Variants in TCF7L1 observed in about 807,000 individuals in gnomAD.
TCF7L1 encodes the protein transcription factor 7-like 1.
In TCF7L1, 18 loss-of-function variants were observed where a neutral mutation model predicts 63.7. That is an observed-to-expected ratio of 0.28 (90% CI 0.20 to 0.42). The LOEUF is 0.42. Ranked by LOEUF, TCF7L1 falls within the 10% of genes least tolerant of loss-of-function variation. The probability of loss-of-function intolerance (pLI) is 1.00; values close to 1 mark genes in which losing one functional copy is unlikely to be tolerated. For synonymous variants in TCF7L1, 355 were observed against 340.9 expected, an observed-to-expected ratio of 1.04 and a Z score of -0.46; for missense variants, 654 against 779.3, an observed-to-expected ratio of 0.84 and a Z score of 1.91.
chr2:85,155,607 A>T (rs2568226), intron 3 of TCF7L1, among the ~76,000 whole-genome samples: 71,653 of 152,096 alleles, frequency 0.47, 17,435 homozygotes, highest in East Asian at 0.84. Context: ...TTTCAAGTAC[A>T]AATCACTAGA....
intron 3 of TCF7L1, among the ~76,000 whole-genome samples, chr2:85,152,233 T>C (rs1678033330): frequency 6.6e-6 from 1 of 152,178 alleles, no homozygotes; most frequent in Non-Finnish European, 1.5e-5. Flanking sequence ...AGAAGCTCTG[T>C]CTTCTTTTAG....
chr2:85,180,877 G>A (rs1442066951), intron 3 of TCF7L1, among the ~76,000 whole-genome samples: 1 of 152,242 alleles, frequency 6.6e-6, no homozygotes, highest in East Asian at 1.9e-4. Context: ...CCAGCAAATA[G>A]CAAGTAGCTA....
At position 85,264,769 on chromosome 2, in the gene TCF7L1, T is replaced by C. The variant is rs546113655; in HGVS notation, c.442-18726T>C. Among the ~76,000 whole-genome samples, 218 of 152,306 alleles carry C rather than the reference T, an allele frequency of 1.4e-3. 1 individual carries two copies. Among genetic ancestry groups the C allele is most frequent in the South Asian group, 2.9e-3 (14 of 4,824 alleles). ...ATAAAGACCAAGCCCTGGATTTGAT[T>C]GGAGAGTTGGGGGAATGTGTTGCAG... On this transcript the variant is annotated intron_variant, in intron 3 of 11. Coordinates refer to ENST00000282111, the MANE Select transcript of TCF7L1 (RefSeq NM_031283.3).
chr2:85,308,351 C>CCCTCCCTCCCTTTCTT (rs1323644701), intron 11 of TCF7L1, among the ~76,000 whole-genome samples: 1 of 151,186 alleles, frequency 6.6e-6, no homozygotes, highest in Non-Finnish European at 1.5e-5. Context: ...CTTCATTCCT[C>CCCTCCCTCCCTTTCTT]CCTCCCTCCC....
At chr2:85,294,750 C>A (rs1573030421) in intron 4 of TCF7L1, among the ~76,000 whole-genome samples, 2 of 152,100 alleles carry the variant, frequency 1.3e-5, no homozygotes, top group South Asian at 2.1e-4. Context: ...ACTGTACATA[C>A]AGCCAGGCAC....
At chr2:85,198,422 G>A (rs1679204304) in intron 3 of TCF7L1, among the ~76,000 whole-genome samples, 1 of 152,162 alleles carries the variant, frequency 6.6e-6, no homozygotes, top group African/African-American at 2.4e-5. Context: ...AGGTGTCCGT[G>A]GCTCCCTCAC....
chr2:85,280,224 CT>C (rs775714148), intron 3 of TCF7L1, among the ~76,000 whole-genome samples: 15 of 152,076 alleles, frequency 9.9e-5, no homozygotes, highest in South Asian at 2.1e-4. Context: ...TTCTGATGAT[CT>C]ATATGGGAGT....
chr2:85,149,343 G>GTA (rs1463619110), intron 3 of TCF7L1, among the ~76,000 whole-genome samples: 1 of 143,718 alleles, frequency 7.0e-6, no homozygotes. Context: ...GTGTATATGT[G>GTA]TATACACACA....
At chr2:85,273,687 G>A (rs905798229) in intron 3 of TCF7L1, among the ~76,000 whole-genome samples, 3 of 152,270 alleles carry the variant, frequency 2.0e-5, no homozygotes, top group Non-Finnish European at 4.4e-5. Context: ...TGGGCGACAC[G>A]GTGAGTGTTC....
At chr2:85,234,644 G>A (rs914393174) in intron 3 of TCF7L1, among the ~76,000 whole-genome samples, 2 of 152,212 alleles carry the variant, frequency 1.3e-5, no homozygotes, top group African/African-American at 4.8e-5. Context: ...GCCCGAAGTG[G>A]ATCGCCTACT....
At position 85,302,565 on chromosome 2, in the gene TCF7L1, T is replaced by C; in HGVS notation, c.607T>C (p.Ser203Pro). The change falls in exon 5 of 12, where the codon TCC (serine) becomes CCC (proline). Residue 203 changes from serine (S) to proline (P), a missense_variant. Ser to Pro is a moderately conservative substitution (Grantham distance 74). This residue lies in a region of TCF7L1 where 404 missense variants were observed against 454.8 expected (regional missense o/e 0.89). Transcript: ENST00000282111. ...PLITYSNDHF[S>P]PGSPPTHLSP... Reference sequence around the variant, plus strand: ...CATCACCTACAGCAATGACCACTTCTCCCCCGGCTCCCCTCCCACCCACCT... The same window carrying C: ...CATCACCTACAGCAATGACCACTTCCCCCCCGGCTCCCCTCCCACCCACCT... The C allele has an allele frequency of 6.2e-7, 1 of 1,613,816 alleles. No individual in the cohort carries two copies. Among genetic ancestry groups the C allele is most frequent in the Non-Finnish European group, 8.5e-7 (1 of 1,179,846 alleles).
intron 4 of TCF7L1, among the ~76,000 whole-genome samples, chr2:85,299,901 A>ACT (rs1243089038): frequency 6.6e-6 from 1 of 150,526 alleles, no homozygotes; most frequent in Non-Finnish European, 1.5e-5. Context: ...ACACACACAC[A>ACT]CACTGATGCC....
At chr2:85,259,039 C>G (rs75585396) in intron 3 of TCF7L1, among the ~76,000 whole-genome samples, 2,439 of 152,346 alleles carry the variant, frequency 0.016, 63 homozygotes, top group African/African-American at 0.056. Context: ...CACCCCCACT[C>G]TATGACATTT....
intron 4 of TCF7L1, among the ~76,000 whole-genome samples, chr2:85,286,308 T>C (rs1174641157): frequency 1.3e-5 from 2 of 151,488 alleles, no homozygotes; most frequent in African/African-American, 2.4e-5. Context: ...TGAGCTGAGA[T>C]TGCACCACTG....
intron 7 of TCF7L1, 69 bp downstream of exon 7, chr2:85,304,407 G>C: frequency 6.6e-7 from 1 of 1,519,618 alleles, no homozygotes; most frequent in East Asian, 2.3e-5. Flanking sequence ...CCACGAAACA[G>C]CTTTTTCTTG....
intron 3 of TCF7L1, among the ~76,000 whole-genome samples, chr2:85,261,801 C>T (rs1325319671): frequency 1.3e-5 from 2 of 152,012 alleles, no homozygotes; most frequent in Admixed American, 6.6e-5. Context: ...GTGGGAGGAT[C>T]GCATGAGCCC....
At chr2:85,185,325 G>A (rs909346963) in intron 3 of TCF7L1, among the ~76,000 whole-genome samples, 2 of 151,546 alleles carry the variant, frequency 1.3e-5, no homozygotes, top group Admixed American at 6.6e-5. Context: ...TGGTGCTATC[G>A]TAGCTCACTG....
chr2:85,291,868 G>C (rs1439575589), intron 4 of TCF7L1, among the ~76,000 whole-genome samples: 2 of 152,080 alleles, frequency 1.3e-5, no homozygotes, highest in Non-Finnish European at 2.9e-5. Flanking sequence ...ACCACATCCA[G>C]CTATTTTTAT....
chr2:85,249,504 C>T (rs533416653), intron 3 of TCF7L1, among the ~76,000 whole-genome samples: 1 of 152,256 alleles, frequency 6.6e-6, no homozygotes, highest in African/African-American at 2.4e-5. Flanking sequence ...AGGCATTTTT[C>T]TGCCTTGATA....
Sources: allele counts gnomAD v4.1 joint callset (sites outside exome capture counted in the v4.1 genomes callset), GRCh38; gene constraint gnomAD v4.1.1; regional missense constraint gnomAD v4.1.1; transcripts MANE v1.5; gene names NCBI Gene and HGNC (gene_info 2026-07-23, HGNC 2026-07-21).